The following CHST8 variants were observed in gnomAD, a reference collection of about 807,000 sequenced individuals.
CHST8 encodes GALNAC-4-ST1.
Under a neutral mutation model 15.0 loss-of-function variants are expected in CHST8, and 10 were observed. The observed-to-expected ratio is 0.67, with a 90% CI of 0.41 to 1.13. The LOEUF (loss-of-function observed/expected upper bound fraction) is 1.13. Among genes scored for constraint, CHST8 ranks in the 50% most tolerant of loss-of-function variants. The pLI is 0.00. For synonymous variants in CHST8, 259 were observed against 256.6 expected (o/e 1.01, Z -0.09); for missense variants, 634 against 608.2 (o/e 1.04, Z -0.45).
rs371932997 is a variant in CHST8, at chr19:33,748,332, A to T, written c.131-23081A>T. On this transcript the variant is annotated intron_variant, in intron 3 of 4. Coordinates refer to ENST00000650847, the MANE Select transcript of CHST8 (RefSeq NM_001127895.2). ...GGTCCGAACCTGACCAAGTCCCCAC[A>T]CCTGGTGAGAAGTGGAGACACAGCT... is the stretch of plus-strand genomic sequence containing the variant. Among the ~76,000 whole-genome samples the T allele has an allele frequency of 6.6e-5, 10 of 152,342 alleles. No homozygotes were observed. The East Asian group carries it at 1.9e-3, about 29-fold the overall frequency.
chr19:33,752,855 T>C (rs1974447488), intron 3 of CHST8, among the ~76,000 whole-genome samples: 1 of 152,238 alleles, frequency 6.6e-6, no homozygotes, highest in Non-Finnish European at 1.5e-5. Context: ...TGCCTGGAAT[T>C]AGAAAGGTTT....
At chr19:33,741,424 G>A in intron 3 of CHST8, among the ~76,000 whole-genome samples, 1 of 152,202 alleles carries the variant, frequency 6.6e-6, no homozygotes, top group East Asian at 1.9e-4. Context: ...AAGTCAACAT[G>A]AACTGTTTCT....
At chr19:33,737,149 C>G (rs1185655796) in intron 3 of CHST8, among the ~76,000 whole-genome samples, 4 of 152,206 alleles carry the variant, frequency 2.6e-5, no homozygotes, top group Non-Finnish European at 5.9e-5. Flanking sequence ...AATAATCTAC[C>G]CGTTATTTAG....
chr19:33,634,508 A>C (rs565664780), intron 1 of CHST8, among the ~76,000 whole-genome samples: 1 of 152,058 alleles, frequency 6.6e-6, no homozygotes, highest in Non-Finnish European at 1.5e-5. Flanking sequence ...GATGGAGTAG[A>C]CAAGAGTTTC....
chr19:33,730,829 C>T (rs1973980626), intron 3 of CHST8, among the ~76,000 whole-genome samples: 1 of 152,202 alleles, frequency 6.6e-6, no homozygotes, highest in South Asian at 2.1e-4. Flanking sequence ...TCCAACAGCA[C>T]AGCCTTCAGT....
chr19:33,635,901 G>GCCCTA (rs1159994743), intron 1 of CHST8, among the ~76,000 whole-genome samples: 1 of 152,054 alleles, frequency 6.6e-6, no homozygotes, highest in Non-Finnish European at 1.5e-5. Flanking sequence ...GCCAACTACC[G>GCCCTA]TTTGCTTTAA....
intron 1 of CHST8, among the ~76,000 whole-genome samples, chr19:33,643,178 A>G (rs751900573): frequency 2.3e-4 from 35 of 152,228 alleles, no homozygotes; most frequent in Admixed American, 6.5e-4. Flanking sequence ...ACCTTCCAGA[A>G]AGACCAAGCG....
chr19:33,727,276 C>T lies in CHST8; in HGVS notation c.130+37885C>T, dbSNP rs560415043. Among the ~76,000 whole-genome samples the T allele has an allele frequency of 9.0e-4, 137 of 152,236 alleles. 1 individual carries two copies. Among genetic ancestry groups the T allele is most frequent in the African/African-American group, 2.9e-3 (121 of 41,550 alleles). On this transcript the variant is annotated intron_variant, in intron 3 of 4. Coordinates refer to ENST00000650847, the MANE Select transcript of CHST8 (RefSeq NM_001127895.2). ...AATCTTCCATATGTCAGGCTTAGGA[C>T]GGACAGGCAGCGCAGGACCACAACT... is the stretch of plus-strand genomic sequence containing the variant.
chr19:33,752,663 T>C (rs1444520670), intron 3 of CHST8, among the ~76,000 whole-genome samples: 1 of 152,164 alleles, frequency 6.6e-6, no homozygotes, highest in Non-Finnish European at 1.5e-5. Flanking sequence ...AGGGCTGGCA[T>C]GCAAGTGTGT....
At chr19:33,696,904 A>G (rs1973229943) in intron 3 of CHST8, among the ~76,000 whole-genome samples, 1 of 150,816 alleles carries the variant, frequency 6.6e-6, no homozygotes. Flanking sequence ...CCAATGGTAC[A>G]ATCTTGGCTC....
intron 3 of CHST8, among the ~76,000 whole-genome samples, chr19:33,720,960 A>G (rs1479053512): frequency 1.3e-5 from 2 of 152,274 alleles, no homozygotes; most frequent in Admixed American, 6.5e-5. Flanking sequence ...GGCCCAAGCC[A>G]GGGTGGCTAC....
chr19:33,772,360 G>A lies in CHST8; in HGVS notation c.572G>A (p.Arg191His), dbSNP rs754514195. The change falls in exon 5 of 5, where the codon CGC (arginine) becomes CAC (histidine). Residue 191 changes from arginine to histidine, a missense_variant. By Grantham distance (29) the Arg-to-His change is conservative. Coordinates refer to ENST00000650847, the MANE Select transcript of CHST8 (RefSeq NM_001127895.2). ...VSRIFVEDRH[R>H]VLYCEVPKAG... ...CGTATCTTCGTGGAGGACCGCCACC[G>A]CGTGCTCTACTGCGAGGTGCCCAAG... is the stretch of plus-strand genomic sequence containing the variant. The A allele has an allele frequency of 7.7e-5, 123 of 1,607,508 alleles. No individual in the cohort carries two copies. Among genetic ancestry groups the A allele is most frequent in the Non-Finnish European group, 1.0e-4 (118 of 1,179,202 alleles).
chr19:33,648,795 G>T (rs1972390897), intron 1 of CHST8, among the ~76,000 whole-genome samples: 1 of 149,716 alleles, frequency 6.7e-6, no homozygotes, highest in African/African-American at 2.5e-5. Flanking sequence ...TCGCCAAAAG[G>T]TAGAAACAAC....
intron 3 of CHST8, among the ~76,000 whole-genome samples, chr19:33,694,005 C>T (rs1973148688): frequency 6.8e-6 from 1 of 146,714 alleles, no homozygotes; most frequent in Non-Finnish European, 1.5e-5. Context: ...CCCATGAAGC[C>T]AAAGTGAGTG....
At chr19:33,639,309 A>T in intron 1 of CHST8, among the ~76,000 whole-genome samples, 1 of 151,986 alleles carries the variant, frequency 6.6e-6, no homozygotes, top group African/African-American at 2.4e-5. Context: ...AATTAAGAGG[A>T]GTTACAGCGC....
intron 3 of CHST8, among the ~76,000 whole-genome samples, chr19:33,736,848 T>C (rs1453162384): frequency 6.6e-6 from 1 of 152,072 alleles, no homozygotes; most frequent in East Asian, 1.9e-4. Context: ...CATTCTGAGA[T>C]AGGAGTTCAG....
At chr19:33,628,221 G>A (rs1289283845) in intron 1 of CHST8, among the ~76,000 whole-genome samples, 1 of 152,176 alleles carries the variant, frequency 6.6e-6, no homozygotes, top group Non-Finnish European at 1.5e-5. Flanking sequence ...CCTGTGGAGG[G>A]AATGTGTGAG....
chr19:33,706,427 A>T (rs527550510), intron 3 of CHST8, among the ~76,000 whole-genome samples: 1 of 152,276 alleles, frequency 6.6e-6, no homozygotes, highest in East Asian at 1.9e-4. Context: ...ATTACTATAC[A>T]CCCATGGGTG....
chr19:33,743,387 C>T (rs549182138), intron 3 of CHST8, among the ~76,000 whole-genome samples: 1 of 150,584 alleles, frequency 6.6e-6, no homozygotes, highest in South Asian at 2.1e-4. Context: ...GCAGGCTCCG[C>T]CCCCCGGGGG....
Sources: allele counts gnomAD v4.1 joint callset (sites outside exome capture counted in the v4.1 genomes callset), GRCh38; gene constraint gnomAD v4.1.1; transcripts MANE v1.5; gene names NCBI Gene and HGNC (gene_info 2026-07-23, HGNC 2026-07-21).